The following LINGO2 variants were observed in gnomAD, a reference collection of about 807,000 sequenced individuals.
The protein encoded by LINGO2 is leucine-rich repeat and immunoglobulin-like domain-containing nogo receptor-interacting protein 2.
In LINGO2, 14 loss-of-function variants were observed where a neutral mutation model predicts 30.6. That is an observed-to-expected ratio of 0.46 (90% confidence interval 0.30 to 0.72). The LOEUF is 0.72. LINGO2 is among the 30% of genes least tolerant of loss of function. The probability of loss-of-function intolerance (pLI) is 0.07; values close to 1 mark genes in which losing one functional copy is unlikely to be tolerated. For missense variants in LINGO2, 729 were observed against 751.7 expected (o/e 0.97, Z 0.35); for synonymous variants, 317 against 288.5 (o/e 1.10, Z -1.00).
At chr9:28,771,915 T>C in the LINGO2 span, among the ~76,000 whole-genome samples, 1 of 152,150 alleles carries the variant, frequency 6.6e-6, no homozygotes. Flanking sequence ...ATTTATCACA[T>C]TTTATTGACA....
chr9:28,157,916 G>A (rs377676051), intron 4 of LINGO2, among the ~76,000 whole-genome samples: 5 of 152,144 alleles, frequency 3.3e-5, no homozygotes, highest in African/African-American at 9.7e-5. Flanking sequence ...TTTGGTCAAA[G>A]CCATTCAACA....
chr9:28,973,627 C>A, the LINGO2 span, among the ~76,000 whole-genome samples: 1 of 152,162 alleles, frequency 6.6e-6, no homozygotes, highest in African/African-American at 2.4e-5. Context: ...ATTGTGAGGC[C>A]TCCCCAGCCA....
chr9:28,937,921 T>C, the LINGO2 span, among the ~76,000 whole-genome samples: 14 of 152,320 alleles, frequency 9.2e-5, no homozygotes, highest in South Asian at 2.9e-3. Flanking sequence ...TTATTTTTTC[T>C]GATCCTCTCC....
chr9:28,698,244 C>T, the LINGO2 span, among the ~76,000 whole-genome samples: 3 of 152,028 alleles, frequency 2.0e-5, no homozygotes. Flanking sequence ...CATCATGGCT[C>T]TTTTATTTCC....
chr9:28,965,456 A>C, the LINGO2 span, among the ~76,000 whole-genome samples: 1 of 152,072 alleles, frequency 6.6e-6, no homozygotes, highest in Admixed American at 6.6e-5. Context: ...TACGTATTTA[A>C]ATCACTGGAC....
chr9:28,481,753 C>A (rs993360465), intron 1 of LINGO2, among the ~76,000 whole-genome samples: 1 of 152,000 alleles, frequency 6.6e-6, no homozygotes, highest in Admixed American at 6.6e-5. Context: ...AGGTATATCT[C>A]CCAATGCTAT....
intron 4 of LINGO2, among the ~76,000 whole-genome samples, chr9:28,185,530 C>T (rs929106789): frequency 2.6e-5 from 4 of 152,200 alleles, no homozygotes; most frequent in African/African-American, 7.2e-5. Context: ...AGAAACCCCA[C>T]GGTAATTCTA....
chr9:28,426,886 T>C (rs1423497510), intron 2 of LINGO2, among the ~76,000 whole-genome samples: 1 of 152,144 alleles, frequency 6.6e-6, no homozygotes, highest in African/African-American at 2.4e-5. Flanking sequence ...ATGTTACTTC[T>C]TTCTGTCTTT....
At chr9:27,950,358 A>T in exon 6 of LINGO2, 1 of 1,614,192 alleles carries the variant, frequency 6.2e-7, no homozygotes, top group South Asian at 1.1e-5. Flanking sequence ...ACGCAGGTTA[A>T]AGAGATTGTT....
At chr9:28,676,219 A>T in the LINGO2 span, among the ~76,000 whole-genome samples, 17 of 152,004 alleles carry the variant, frequency 1.1e-4, no homozygotes, top group African/African-American at 4.1e-4. Context: ...GCTAATATTA[A>T]AGATTAAGTT....
chr9:28,829,533 C>T, the LINGO2 span, among the ~76,000 whole-genome samples: 33 of 152,290 alleles, frequency 2.2e-4, no homozygotes, highest in East Asian at 6.0e-3. Context: ...GAGTTTTGCT[C>T]CTGCCAGTGC....
chr9:27,988,390 G>A (rs186485172), intron 5 of LINGO2, among the ~76,000 whole-genome samples: 1 of 151,950 alleles, frequency 6.6e-6, no homozygotes, highest in Non-Finnish European at 1.5e-5. Flanking sequence ...GGGTCCAATG[G>A]TATTTCTAGT....
intron 1 of LINGO2, among the ~76,000 whole-genome samples, chr9:28,538,757 C>T (rs1587823377): frequency 6.6e-6 from 1 of 151,970 alleles, no homozygotes; most frequent in Admixed American, 6.6e-5. Context: ...TTAATTCATT[C>T]GTGAATGTGG....
intron 4 of LINGO2, among the ~76,000 whole-genome samples, chr9:28,041,637 T>A (rs933299815): frequency 1.2e-4 from 19 of 152,046 alleles, no homozygotes; most frequent in Admixed American, 2.6e-4. Flanking sequence ...AAAAAGTAAA[T>A]CATGGAAGAA....
At chr9:29,043,769 T>A in the LINGO2 span, among the ~76,000 whole-genome samples, 1 of 152,016 alleles carries the variant, frequency 6.6e-6, no homozygotes, top group African/African-American at 2.4e-5. Context: ...AACACAGTTA[T>A]ATGCAGTGAC....
At chr9:28,733,065 C>T in the LINGO2 span, among the ~76,000 whole-genome samples, 1 of 152,136 alleles carries the variant, frequency 6.6e-6, no homozygotes, top group African/African-American at 2.4e-5. Context: ...ACTTTAAAAA[C>T]CTGTTAATAG....
intron 1 of LINGO2, among the ~76,000 whole-genome samples, chr9:28,522,365 G>A (rs1423251458): frequency 6.6e-6 from 1 of 152,108 alleles, no homozygotes; most frequent in Non-Finnish European, 1.5e-5. Context: ...TCTTTATAAA[G>A]AGTAGAAGTT....
At chr9:29,136,633 G>T in the LINGO2 span, among the ~76,000 whole-genome samples, 1 of 152,070 alleles carries the variant, frequency 6.6e-6, no homozygotes, top group African/African-American at 2.4e-5. Context: ...GTTCTTCTCA[G>T]TTATATCTAT....
rs544623889 is a variant in LINGO2, at chr9:28,042,764, C to A, written c.-86-30359G>T. Among the ~76,000 whole-genome samples the A allele has an allele frequency of 1.6e-4, 24 of 152,198 alleles. No homozygotes were observed. In the South Asian group the frequency reaches 5.0e-3, roughly 32 times the overall value. ...ATATCATCTTATATTCTTTATTCTT[C>A]CCCTCTCCCCCATATATGTTATCTT... On this transcript the variant is annotated intron_variant, in intron 4 of 5. Coordinates refer to ENST00000379992, the Ensembl canonical transcript of LINGO2.
Sources: allele counts gnomAD v4.1 joint callset (sites outside exome capture counted in the v4.1 genomes callset), GRCh38; gene constraint gnomAD v4.1.1; transcripts MANE v1.5; gene names NCBI Gene and HGNC (gene_info 2026-07-23, HGNC 2026-07-21).